The following PRAC1 variants were observed in gnomAD, a reference collection of about 807,000 sequenced individuals.
PRAC1 encodes the protein small nuclear protein PRAC1.
In PRAC1, 4 loss-of-function variants were observed where a neutral mutation model predicts 3.1. The ratio of observed to expected loss-of-function variants is 1.28; its 90% CI spans 0.63 to 2.93. The LOEUF is 2.93. Ranked by LOEUF, PRAC1 falls within the 30% of genes most tolerant of loss-of-function variation. The pLI is 0.01. For synonymous variants in PRAC1, 32 were observed against 27.0 expected (o/e 1.18, Z -0.57); for missense variants, 72 against 66.8 (o/e 1.08, Z -0.27).
chr17:48,722,325 G>A lies in PRAC1; in HGVS notation c.68C>T (p.Ser23Phe). Residue 23 changes from serine (S) to phenylalanine (F), a missense_variant, in exon 1 of 2, where the codon TCT (serine) becomes TTT (phenylalanine). Coordinates refer to ENST00000290294, the MANE Select transcript of PRAC1 (RefSeq NM_032391.3). The part of the protein sequence containing the change: ...HLTTSKSAFL[S>F]NKKTSTLKHL... ...GCCCACCGATCAGTTTACCTTATTAGAGAGAAAAGCACTCTTGGAGGTAGT... is the reference window on the plus strand; with the variant it reads ...GCCCACCGATCAGTTTACCTTATTAAAGAGAAAAGCACTCTTGGAGGTAGT... 1 of 1,613,556 alleles carries A rather than the reference G, an allele frequency of 6.2e-7. No individual in the cohort carries two copies. The highest frequency in any genetic ancestry group is 8.5e-7 in the Non-Finnish European group (1 of 1,179,442).
Position 48,722,362 on chromosome 17 carries a change from G to A in PRAC1, c.31C>T (p.Pro11Ser), listed in dbSNP as rs1343232842. 1 of 1,614,084 alleles carries A rather than the reference G, an allele frequency of 6.2e-7. No homozygotes were observed. The highest frequency in any genetic ancestry group is 8.5e-7 in the Non-Finnish European group (1 of 1,180,022). ...CTCTTGGAGGTAGTAAGATGGGCCG[G>A]TCCTTGATCTGAGAAATGGGCGCAC... MLCAHFSDQG[P>S]AHLTTSKSAF... is the part of the protein sequence containing the mutation. Residue 11 changes from proline to serine, a missense_variant, in exon 1 of 2, where the codon CCG becomes TCG. Pro to Ser is a moderately conservative substitution (Grantham distance 74, BLOSUM62 -1). Transcript: ENST00000290294.
In PRAC1 at chr17:48,721,911, T is replaced by C. The variant is rs1438700427; in HGVS notation, c.76-12A>G. 2 of 1,499,100 alleles carry C rather than the reference T, an allele frequency of 1.3e-6. No homozygotes were observed. The highest frequency in any genetic ancestry group is 1.8e-6 in the Non-Finnish European group (2 of 1,123,518). 92.9% of individuals were successfully genotyped at this position (1,499,100 alleles called of 1,614,324 possible). A position where few individuals can be genotyped will look rare whatever the true frequency, so the allele number is the denominator to read the frequency against. ...AAAGTAGATGTTTTCTAAAATATTT[T>C]ACAATATTTACAAATTTTAAATAAT... is the stretch of plus-strand genomic sequence containing the variant. On this transcript the variant is annotated splice_polypyrimidine_tract_variant and intron_variant, in intron 1 of 1. Coordinates refer to ENST00000290294, the MANE Select transcript of PRAC1 (RefSeq NM_032391.3).
In PRAC1 at chr17:48,721,869, C is replaced by T. The variant is rs1412006292; in HGVS notation, c.106G>A (p.Glu36Lys). Residue 36 changes from glutamate to lysine, a missense_variant, in exon 2 of 2, where the codon GAG (glutamate) becomes AAG (lysine). Coordinates refer to ENST00000290294, the MANE Select transcript of PRAC1 (RefSeq NM_032391.3). Reference protein sequence around the residue: ...KTSTLKHLLGETRSDGSACNS... With the variant: ...KTSTLKHLLGKTRSDGSACNS... ...CAGGCTGAGCCATCACTCCTGGTCTCGCCCAGTAGATGTTTCAAAGTAGAT... is the reference window on the plus strand; with the variant it reads ...CAGGCTGAGCCATCACTCCTGGTCTTGCCCAGTAGATGTTTCAAAGTAGAT... 6 of 1,535,254 alleles carry T rather than the reference C, an allele frequency of 3.9e-6. No individual in the cohort carries two copies. Among genetic ancestry groups the T allele is most frequent in the East Asian group, 2.5e-5 (1 of 40,430 alleles).
At chr17:48,722,092 T>G (rs1271984225) in intron 1 of PRAC1, among the ~76,000 whole-genome samples, 193 bp from the exon 2 acceptor site, 2 of 152,000 alleles carry the variant, frequency 1.3e-5, no homozygotes, top group African/African-American at 4.8e-5. Flanking sequence ...TGCGAAACAT[T>G]TTCTTTGTCC....
Position 48,722,312 on chromosome 17 carries a change from G to C in PRAC1, c.75+6C>G. ...GATAACGCCCTTGGCCCACCGATCAGTTTACCTTATTAGAGAGAAAAGCAC... is the reference window on the plus strand; with the variant it reads ...GATAACGCCCTTGGCCCACCGATCACTTTACCTTATTAGAGAGAAAAGCAC... On this transcript the variant is annotated splice_donor_region_variant and intron_variant, in intron 1 of 1. Coordinates refer to ENST00000290294, the MANE Select transcript of PRAC1 (RefSeq NM_032391.3). The C allele has an allele frequency of 6.2e-7, 1 of 1,612,400 alleles. No individual in the cohort carries two copies. Among genetic ancestry groups the C allele is most frequent in the Non-Finnish European group, 8.5e-7 (1 of 1,178,432 alleles).
At chr17:48,722,222 C>G (rs2038153159) in intron 1 of PRAC1, 96 bp downstream of exon 1, 2 of 1,067,848 alleles carry the variant, frequency 1.9e-6, no homozygotes, top group Admixed American at 2.0e-5. Flanking sequence ...TCTGAAGGCT[C>G]CCAAATTCCT....
Position 48,721,753 on chromosome 17 carries a change from G to A in PRAC1, c.*48C>T. ...TTAAAAAAATTTTATTGTATAAATA[G>A]AGACAGCGTCTTGCTACATTGCCCA... On this transcript the variant is annotated 3_prime_UTR_variant, in exon 2 of 2. Transcript: ENST00000290294. The A allele has an allele frequency of 6.9e-7, 1 of 1,441,426 alleles. No individual in the cohort carries two copies. The allele number at this position is 1,441,426 out of a possible 1,614,324, so 89.3% of individuals were successfully genotyped here.
rs1220520343 is a variant in PRAC1 at position 48,721,722 on chromosome 17, C to T, written c.*79G>A. 8 of 1,307,770 alleles carry T rather than the reference C, an allele frequency of 6.1e-6. No homozygotes were observed. Among genetic ancestry groups the T allele is most frequent in the Non-Finnish European group, 7.9e-6 (8 of 1,007,198 alleles). 81.0% of individuals were successfully genotyped at this position (1,307,770 alleles called of 1,614,324 possible). A position where few individuals can be genotyped will look rare whatever the true frequency, so the allele number is the denominator to read the frequency against. ...ATCACAGTTAACTTTCACCCAGTTT[C>T]CTTTTTTAAAAAAATTTTATTGTAT... is the stretch of plus-strand genomic sequence containing the variant. On this transcript the variant is annotated 3_prime_UTR_variant, in exon 2 of 2. Coordinates refer to ENST00000290294, the MANE Select transcript of PRAC1 (RefSeq NM_032391.3).
Position 48,721,820 on chromosome 17 carries a change from C to T in PRAC1, c.155G>A (p.Arg52Gln), listed in dbSNP as rs1310366807. 4.5e-6 allele frequency: 7 copies of T among 1,542,366 alleles called. No individual in the cohort carries two copies. The Admixed American group carries it at 7.9e-5, about 17-fold the overall frequency. ...CTGTGCTCAAGGAATCTTCCTGCCTCGGCCTCCCGAAATTCCAGAATTACA... is the reference window on the plus strand; with the variant it reads ...CTGTGCTCAAGGAATCTTCCTGCCTTGGCCTCCCGAAATTCCAGAATTACA... ...SACNSGISGGRGRKIP is the reference protein window; with the variant it reads ...SACNSGISGGQGRKIP The change falls in exon 2 of 2, where the codon CGA (arginine) becomes CAA (glutamine). Residue 52 changes from arginine to glutamine, a missense_variant. Transcript: ENST00000290294.
At chr17:48,722,039 T>G in intron 1 of PRAC1, 140 bp from the exon 2 acceptor site, 3 of 973,770 alleles carry the variant, frequency 3.1e-6, no homozygotes, top group Non-Finnish European at 4.5e-6. Flanking sequence ...TAGTTCCCAC[T>G]CCCAAGCCTC....
chr17:48,722,284 G>C, intron 1 of PRAC1, 34 bp downstream of exon 1: 2 of 1,570,432 alleles, frequency 1.3e-6, no homozygotes, highest in South Asian at 1.1e-5. Flanking sequence ...TGAGCGATCC[G>C]TCGATAACGC....
At chr17:48,721,949 A>G in intron 1 of PRAC1, 50 bp from the exon 2 acceptor site, 1 of 1,462,158 alleles carries the variant, frequency 6.8e-7, no homozygotes, top group Non-Finnish European at 9.1e-7. Context: ...TAACGTTATC[A>G]ATATTAATTT....
intron 1 of PRAC1, 35 bp downstream of exon 1, chr17:48,722,283 C>T (rs754925601): frequency 3.8e-5 from 59 of 1,558,932 alleles, no homozygotes; most frequent in Non-Finnish European, 4.7e-5. Context: ...CTGAGCGATC[C>T]GTCGATAACG....
chr17:48,722,219 G>T, intron 1 of PRAC1, 99 bp downstream of exon 1: 1 of 1,015,756 alleles, frequency 9.8e-7, no homozygotes, highest in Non-Finnish European at 1.5e-6. Context: ...ACTTCTGAAG[G>T]CTCCCAAATT....
intron 1 of PRAC1, 26 bp from the exon 2 acceptor site, chr17:48,721,925 A>G (rs1245311747): frequency 6.7e-7 from 1 of 1,488,640 alleles, no homozygotes; most frequent in Admixed American, 2.4e-5. Flanking sequence ...ATATTTACAA[A>G]TTTTAAATAA....
intron 1 of PRAC1, 64 bp from the exon 2 acceptor site, chr17:48,721,963 T>G: frequency 7.0e-7 from 1 of 1,435,218 alleles, no homozygotes; most frequent in Non-Finnish European, 9.3e-7. Flanking sequence ...TTAATTTTGC[T>G]TATGCCAGGA....
In PRAC1 at chr17:48,721,736, A is replaced by AT. The variant is rs999269722; in HGVS notation, c.*64dup. 1 of 1,359,154 alleles carries AT rather than the reference A, an allele frequency of 7.4e-7. No homozygotes were observed. Among genetic ancestry groups the AT allele is most frequent in the Non-Finnish European group, 9.6e-7 (1 of 1,045,544 alleles). 84.2% of individuals were successfully genotyped at this position (1,359,154 alleles called of 1,614,324 possible). ...TCACCCAGTTTCCTTTTTTAAAAAA[A>AT]TTTTATTGTATAAATAGAGACAGCG... On this transcript the variant is annotated 3_prime_UTR_variant, in exon 2 of 2. Transcript: ENST00000290294.
In PRAC1 at chr17:48,721,862, C is replaced by T. The variant is rs991816688; in HGVS notation, c.113G>A (p.Arg38Lys). 6.5e-7 allele frequency: 1 copy of T among 1,540,980 alleles called. No homozygotes were observed. ...STLKHLLGET[R>K]SDGSACNSGI... is the part of the protein sequence containing the mutation. ...AGAATTACAGGCTGAGCCATCACTCCTGGTCTCGCCCAGTAGATGTTTCAA... is the reference window on the plus strand; with the variant it reads ...AGAATTACAGGCTGAGCCATCACTCTTGGTCTCGCCCAGTAGATGTTTCAA... Residue 38 changes from arginine (R) to lysine (K), a missense_variant, in exon 2 of 2, where the codon AGG (arginine) becomes AAG (lysine). Physicochemically the swap from Arg to Lys is conservative, Grantham distance 26 (BLOSUM62 2). Transcript: ENST00000290294.
At chr17:48,722,027 G>A in intron 1 of PRAC1, 128 bp from the exon 2 acceptor site, 1 of 1,088,524 alleles carries the variant, frequency 9.2e-7, no homozygotes. Context: ...TACAGCGGGT[G>A]CTAGTTCCCA....
Sources: allele counts gnomAD v4.1 joint callset (sites outside exome capture counted in the v4.1 genomes callset), GRCh38; gene constraint gnomAD v4.1.1; transcripts MANE v1.5; gene names NCBI Gene and HGNC (gene_info 2026-07-23, HGNC 2026-07-21).